Variants in UGT8 observed in about 807,000 individuals in gnomAD.
UGT8 encodes the protein 2-hydroxyacylsphingosine 1-beta-galactosyltransferase.
UGT8 carries 12 observed loss-of-function variants against 40.5 expected under a neutral mutation model. The observed-to-expected ratio is 0.30, with a 90% CI of 0.19 to 0.48. The LOEUF (loss-of-function observed/expected upper bound fraction) is 0.48. UGT8 is among the 20% of genes least tolerant of loss of function. The pLI is 0.99. For missense variants in UGT8, 513 were observed against 648.7 expected, an observed-to-expected ratio of 0.79 and a Z score of 2.27; for synonymous variants, 224 against 240.4, an observed-to-expected ratio of 0.93 and a Z score of 0.63.
At position 114,675,985 on chromosome 4, in the gene UGT8, C is replaced by G. The variant is rs753032916; in HGVS notation, c.1323C>G (p.Val441=). ...ACAAGGATCAACCTGGTCACCCTGT[C>G]AATCGAACTATCTATTGGATAGATT... ...EIHKDQPGHP[V]NRTIYWIDYI... is the part of the protein sequence containing the mutation. Residue 441 remains valine (V), a synonymous_variant, in exon 6 of 6, where the codon GTC becomes GTG. Transcript: ENST00000310836. 2 of 1,614,164 alleles carry G rather than the reference C, an allele frequency of 1.2e-6. No homozygotes were observed. Among genetic ancestry groups the G allele is most frequent in the South Asian group, 1.1e-5 (1 of 91,070 alleles).
In UGT8 at chr4:114,635,417, C is replaced by G. The variant is rs72677938; in HGVS notation, c.822+11715C>G. 9.6e-3 allele frequency among the ~76,000 whole-genome samples: 1,457 copies of G among 151,508 alleles called. 19 individuals carry two copies. Among genetic ancestry groups the G allele is most frequent in the East Asian group, 0.027 (141 of 5,154 alleles). On this transcript the variant is annotated intron_variant, in intron 2 of 5. Transcript: ENST00000310836. The stretch of plus-strand genomic sequence containing the variant: ...ACAATACAGAAAGTACATATTTTTC[C>G]CCAGTGAATATAATTGAATTACCAT...
intron 2 of UGT8, among the ~76,000 whole-genome samples, chr4:114,626,880 T>G (rs10026078): frequency 2.0e-5 from 3 of 152,228 alleles, no homozygotes; most frequent in Non-Finnish European, 4.4e-5. Flanking sequence ...TCAAGTCAAA[T>G]GAAACCATAT....
At chr4:114,614,183 G>A (rs1026249961) in intron 1 of UGT8, among the ~76,000 whole-genome samples, 2 of 152,138 alleles carry the variant, frequency 1.3e-5, no homozygotes, top group African/African-American at 4.8e-5. Context: ...TACTTGTGTT[G>A]AAGAAGTGGT....
intron 2 of UGT8, among the ~76,000 whole-genome samples, chr4:114,642,513 C>T (rs553220957): frequency 2.1e-4 from 32 of 152,218 alleles, no homozygotes; most frequent in African/African-American, 7.5e-4. Context: ...TACCAGCTAA[C>T]TTCTCAGGCT....
In UGT8 at chr4:114,677,771, A is replaced by G. The variant is rs1186407708; in HGVS notation, c.*1483A>G. On this transcript the variant is annotated 3_prime_UTR_variant, in exon 6 of 6. Coordinates refer to ENST00000310836, the MANE Select transcript of UGT8 (RefSeq NM_001128174.3). Reference sequence around the variant, plus strand: ...CACATCTGATAGCTGAGAGTAGGCAAATACAACATTTACCTAATGTCATTC... The same window carrying G: ...CACATCTGATAGCTGAGAGTAGGCAGATACAACATTTACCTAATGTCATTC... The G allele has an allele frequency of 6.6e-6, 1 of 152,224 alleles. No homozygotes were observed. The highest frequency in any genetic ancestry group is 1.5e-5 in the Non-Finnish European group (1 of 68,044). The allele number at this position is 152,224 out of a possible 1,614,324, so 9.4% of individuals were successfully genotyped here. A position where few individuals can be genotyped will look rare whatever the true frequency, so the allele number is the denominator to read the frequency against.
chr4:114,613,148 A>G (rs1391169210), intron 1 of UGT8, among the ~76,000 whole-genome samples: 1 of 152,162 alleles, frequency 6.6e-6, no homozygotes, highest in Non-Finnish European at 1.5e-5. Flanking sequence ...GCATGCTGCA[A>G]TCATTTTATT....
intron 2 of UGT8, among the ~76,000 whole-genome samples, chr4:114,663,515 G>A (rs527732827): frequency 8.5e-5 from 13 of 152,088 alleles, no homozygotes; most frequent in South Asian, 2.1e-4. Context: ...AGAACAAAAT[G>A]AAGTAAGGAT....
chr4:114,659,178 C>T (rs934828375), intron 2 of UGT8, among the ~76,000 whole-genome samples: 14 of 152,276 alleles, frequency 9.2e-5, no homozygotes, highest in Non-Finnish European at 1.8e-4. Context: ...TAACATATAG[C>T]ATCTGATTAT....
At chr4:114,663,919 TAACTGGG>T in intron 2 of UGT8, 69 bp from the exon 3 acceptor site, 2 of 1,548,898 alleles carry the variant, frequency 1.3e-6, no homozygotes, top group Non-Finnish European at 1.7e-6. Flanking sequence ...GGTTTTTTTT[TAACTGGG>T]CTGTTAATAA....
intron 2 of UGT8, among the ~76,000 whole-genome samples, chr4:114,637,105 A>G (rs1318255793): frequency 6.6e-6 from 1 of 152,180 alleles, no homozygotes; most frequent in Non-Finnish European, 1.5e-5. Flanking sequence ...CAGAGAGGTA[A>G]TGGTTCCAGA....
intron 2 of UGT8, among the ~76,000 whole-genome samples, chr4:114,645,017 A>G (rs866837086): frequency 3.7e-5 from 5 of 136,814 alleles, no homozygotes; most frequent in Non-Finnish European, 6.4e-5. Context: ...ATAATTAATT[A>G]TAACACTCTA....
intron 2 of UGT8, among the ~76,000 whole-genome samples, chr4:114,649,658 G>T (rs1733784709): frequency 6.6e-6 from 1 of 152,056 alleles, no homozygotes; most frequent in African/African-American, 2.4e-5. Flanking sequence ...CAGAACATTG[G>T]CTAGCTATGT....
rs1257751098 is a variant in UGT8, at chr4:114,633,033, C to CT, written c.822+9339dup. ...ATGAGAAACAGATAAACCGACTTGA[C>CT]TTTTTTTTCACTACAAAGTCCTCTT... On this transcript the variant is annotated intron_variant, in intron 2 of 5. Transcript: ENST00000310836. 3.3e-5 allele frequency among the ~76,000 whole-genome samples: 5 copies of CT among 152,124 alleles called. No individual in the cohort carries two copies. The South Asian group carries it at 8.3e-4, about 25-fold the overall frequency.
chr4:114,609,066 A>G (rs1384409724), intron 1 of UGT8, among the ~76,000 whole-genome samples: 1 of 152,096 alleles, frequency 6.6e-6, no homozygotes, highest in Non-Finnish European at 1.5e-5. Context: ...GCAGAGCAAT[A>G]GGAATAGGAA....
chr4:114,610,628 C>T (rs981367986), intron 1 of UGT8, among the ~76,000 whole-genome samples: 1 of 152,140 alleles, frequency 6.6e-6, no homozygotes, highest in Non-Finnish European at 1.5e-5. Context: ...TGTTTTTTAT[C>T]TAATACTCAA....
At chr4:114,672,705 A>G (rs1189094584) in intron 5 of UGT8, among the ~76,000 whole-genome samples, 1 of 152,170 alleles carries the variant, frequency 6.6e-6, no homozygotes, top group Admixed American at 6.5e-5. Flanking sequence ...CGGATGGGTC[A>G]ATAGGTACAG....
chr4:114,665,861 G>A (rs1734835635), intron 4 of UGT8, 105 bp downstream of exon 4: 1 of 805,900 alleles, frequency 1.2e-6, no homozygotes, highest in Non-Finnish European at 1.9e-6. Context: ...TATACGGTAT[G>A]TATGTAGTAT....
At chr4:114,645,651 A>G (rs1213988659) in intron 2 of UGT8, among the ~76,000 whole-genome samples, 1 of 152,238 alleles carries the variant, frequency 6.6e-6, no homozygotes, top group Non-Finnish European at 1.5e-5. Flanking sequence ...TATGGTCATC[A>G]TAGAAAAACC....
At chr4:114,671,468 CA>C (rs1735273331) in intron 5 of UGT8, among the ~76,000 whole-genome samples, 1 of 151,992 alleles carries the variant, frequency 6.6e-6, no homozygotes, top group Non-Finnish European at 1.5e-5. Context: ...GTACTGGTAC[CA>C]AAACAGACAT....
Sources: gnomAD v4.1 joint callset for allele counts (sites outside exome capture counted in the v4.1 genomes callset) on GRCh38, gnomAD v4.1.1 for gene constraint, MANE v1.5 for transcripts, NCBI Gene and HGNC (gene_info 2026-07-23, HGNC 2026-07-21) for gene names.